Variants in MYCBP2 observed in about 807,000 individuals in gnomAD.
MYCBP2 encodes the protein E3 ubiquitin-protein ligase MYCBP2.
A neutral mutation model predicts 525.3 loss-of-function variants in MYCBP2; 120 were observed. The ratio of observed to expected loss-of-function variants is 0.23; its 90% CI spans 0.20 to 0.27. The LOEUF (loss-of-function observed/expected upper bound fraction) is 0.27. Ranked by LOEUF, MYCBP2 falls within the 10% of genes least tolerant of loss-of-function variation. The probability of loss-of-function intolerance (pLI) is 1.00; values close to 1 mark genes in which losing one functional copy is unlikely to be tolerated. For missense variants in MYCBP2, 4,149 were observed against 5,657.1 expected, an observed-to-expected ratio of 0.73 and a Z score of 8.55; for synonymous variants, 1,894 against 1,955.8, an observed-to-expected ratio of 0.97 and a Z score of 0.83.
At chr13:77,212,863 A>C (rs2064213590) in intron 21 of MYCBP2, among the ~76,000 whole-genome samples, 1 of 152,162 alleles carries the variant, frequency 6.6e-6, no homozygotes, top group African/African-American at 2.4e-5. Context: ...AAAGAATAAA[A>C]GAATGCTGAC....
At chr13:77,230,531 C>T (rs1644511069) in intron 18 of MYCBP2, among the ~76,000 whole-genome samples, 1 of 152,186 alleles carries the variant, frequency 6.6e-6, no homozygotes, top group Admixed American at 6.5e-5. Context: ...TTTGCATATA[C>T]ATTATGAGAT....
chr13:77,215,976 C>T (rs2064764650), intron 21 of MYCBP2, among the ~76,000 whole-genome samples: 1 of 152,126 alleles, frequency 6.6e-6, no homozygotes, highest in Non-Finnish European at 1.5e-5. Flanking sequence ...TTCTAGTGCC[C>T]AGTTAGTGTC....
At chr13:77,250,951 G>C (rs2071103400) in intron 15 of MYCBP2, among the ~76,000 whole-genome samples, 200 bp downstream of exon 15, 1 of 152,144 alleles carries the variant, frequency 6.6e-6, no homozygotes, top group Non-Finnish European at 1.5e-5. Context: ...GGCAACCTTA[G>C]AGATGACATT....
At chr13:77,118,256 T>C (rs1349218167) in intron 55 of MYCBP2, 1 of 616,836 alleles carries the variant, frequency 1.6e-6, no homozygotes, top group African/African-American at 1.8e-5. Context: ...GTCAGGTGAG[T>C]TGATAACTAA....
intron 68 of MYCBP2, among the ~76,000 whole-genome samples, 168 bp downstream of exon 68, chr13:77,076,583 T>C (rs1056530930): frequency 6.6e-6 from 1 of 152,154 alleles, no homozygotes; most frequent in Non-Finnish European, 1.5e-5. Flanking sequence ...AGATTATACA[T>C]GAATAATGAA....
intron 29 of MYCBP2, among the ~76,000 whole-genome samples, chr13:77,189,707 C>T (rs1393388737): frequency 6.6e-6 from 1 of 152,098 alleles, no homozygotes; most frequent in Non-Finnish European, 1.5e-5. Flanking sequence ...TGCCTTTATA[C>T]ATGCTTAAAT....
In MYCBP2 at chr13:77,098,977, G is replaced by A. The variant is rs917096369; in HGVS notation, c.8177C>T (p.Ala2726Val). ...RGNISTSSKPASTSGKSELSS... is the reference protein window; with the variant it reads ...RGNISTSSKPVSTSGKSELSS... ...CAGCTCTGATTTTCCTGATGTAGAG[G>A]CTGGTTTAGAAGATGTTGAGATGTT... Residue 2726 changes from alanine to valine, a missense_variant, in exon 56 of 83, where the codon GCC becomes GTC. By Grantham distance (64) the Ala-to-Val change is moderately conservative. Transcript: ENST00000544440. The A allele has an allele frequency of 1.2e-6, 2 of 1,610,640 alleles. No homozygotes were observed. Among genetic ancestry groups the A allele is most frequent in the Non-Finnish European group, 1.7e-6 (2 of 1,179,580 alleles).
chr13:77,111,635 A>T (rs2048846413), intron 55 of MYCBP2, among the ~76,000 whole-genome samples: 1 of 150,580 alleles, frequency 6.6e-6, no homozygotes, highest in Admixed American at 6.6e-5. Flanking sequence ...TGTTGTCCAG[A>T]CTGGTCCTAA....
intron 53 of MYCBP2, among the ~76,000 whole-genome samples, chr13:77,126,009 T>C (rs534211472): frequency 6.6e-6 from 1 of 152,302 alleles, no homozygotes; most frequent in Non-Finnish European, 1.5e-5. Context: ...ACCGATCACA[T>C]AGAATATTTT....
intron 71 of MYCBP2, among the ~76,000 whole-genome samples, chr13:77,066,883 T>G (rs1426139465): frequency 6.6e-6 from 1 of 152,192 alleles, no homozygotes; most frequent in Non-Finnish European, 1.5e-5. Context: ...TTTATAAGTT[T>G]TTTTCTGTGA....
intron 30 of MYCBP2, among the ~76,000 whole-genome samples, chr13:77,186,875 G>A (rs1027506848): frequency 6.8e-6 from 1 of 146,238 alleles, no homozygotes; most frequent in Non-Finnish European, 1.5e-5. Flanking sequence ...GTGTGATCAC[G>A]GGTCACTGCA....
intron 21 of MYCBP2, among the ~76,000 whole-genome samples, chr13:77,217,591 T>C (rs1439240738): frequency 6.6e-6 from 1 of 152,128 alleles, no homozygotes. Flanking sequence ...TAATCTGAAA[T>C]AAACATGTCC....
intron 21 of MYCBP2, among the ~76,000 whole-genome samples, chr13:77,213,189 CA>C (rs1033531565): frequency 6.6e-6 from 1 of 152,040 alleles, no homozygotes; most frequent in Non-Finnish European, 1.5e-5. Context: ...AAAATGTAAA[CA>C]GGGGCCAGGT....
At chr13:77,290,500 A>G (rs1405225569) in intron 2 of MYCBP2, among the ~76,000 whole-genome samples, 1 of 152,242 alleles carries the variant, frequency 6.6e-6, no homozygotes, top group African/African-American at 2.4e-5. Flanking sequence ...AACAAACTAT[A>G]GTACATCCAT....
chr13:77,095,234 G>C (rs2046060649), intron 58 of MYCBP2, 124 bp downstream of exon 58: 9 of 1,175,136 alleles, frequency 7.7e-6, no homozygotes, highest in Non-Finnish European at 1.1e-5. Flanking sequence ...TAAATGCCTG[G>C]AAGTTTGTTT....
Position 77,126,381 on chromosome 13 carries a change from A to G in MYCBP2, c.7821T>C (p.Pro2607=). The G allele has an allele frequency of 6.2e-7, 1 of 1,613,962 alleles. No homozygotes were observed. Among genetic ancestry groups the G allele is most frequent in the Non-Finnish European group, 8.5e-7 (1 of 1,179,860 alleles). ...TTCCAATTGGGATACCTCTAAGGTT[A>G]GGGCAGCTTCTGATGTTGTGACCTG... ...GPSGHNIRSC[P]NLRGIPIGML... is the part of the protein sequence containing the mutation. Residue 2607 remains proline (P), a synonymous_variant, in exon 53 of 83, where the codon CCT becomes CCC. Coordinates refer to ENST00000544440, the MANE Select transcript of MYCBP2 (RefSeq NM_015057.5).
chr13:77,098,271 A>C lies in MYCBP2; in HGVS notation c.8883T>G (p.Asp2961Glu), dbSNP rs753823359. 6.2e-7 allele frequency: 1 copy of C among 1,612,482 alleles called. No homozygotes were observed. Among genetic ancestry groups the C allele is most frequent in the South Asian group, 1.1e-5 (1 of 91,064 alleles). ...TAAAATGAACTTTATTTGAACCTTC[A>C]TCCACACTCTTAAATTCACTGCTGT... ...CDDSSEFKSVDEGSNKVHFSI... is the reference protein window; with the variant it reads ...CDDSSEFKSVEEGSNKVHFSI... Residue 2961 changes from aspartate (D) to glutamate (E), a missense_variant, in exon 56 of 83, where the codon GAT becomes GAG. Physicochemically the swap from Asp to Glu is conservative, Grantham distance 45. Around this residue, in one of 21 missense-constraint regions of MYCBP2, gnomAD observed 653 missense variants for 744.7 expected, o/e 0.88. Coordinates refer to ENST00000544440, the MANE Select transcript of MYCBP2 (RefSeq NM_015057.5).
chr13:77,093,016 C>A, intron 59 of MYCBP2, 149 bp downstream of exon 59: 1 of 664,038 alleles, frequency 1.5e-6, no homozygotes. Context: ...TTACCTTAGT[C>A]ATACATGTAT....
intron 18 of MYCBP2, among the ~76,000 whole-genome samples, chr13:77,229,912 T>C: frequency 6.6e-6 from 1 of 152,190 alleles, no homozygotes; most frequent in South Asian, 2.1e-4. Context: ...TTAAAATAGA[T>C]TTTAGGACTA....
Sources: allele counts gnomAD v4.1 joint callset (sites outside exome capture counted in the v4.1 genomes callset), GRCh38; gene constraint gnomAD v4.1.1; regional missense constraint gnomAD v4.1.1; transcripts MANE v1.5; gene names NCBI Gene and HGNC (gene_info 2026-07-23, HGNC 2026-07-21).